Variants in NAALADL2 observed in about 807,000 individuals in gnomAD.
NAALADL2 encodes inactive N-acetylated-alpha-linked acidic dipeptidase-like protein 2.
In NAALADL2, 76 loss-of-function variants were observed where a neutral mutation model predicts 87.2. The ratio of observed to expected loss-of-function variants is 0.87; its 90% CI spans 0.72 to 1.05. The LOEUF (loss-of-function observed/expected upper bound fraction) is 1.05, where lower values mean the gene tolerates loss of function less well. Among genes scored for constraint, NAALADL2 ranks in the 50% least tolerant of loss-of-function variants. NAALADL2 has a pLI of 0.00. For missense variants in NAALADL2, 1,089 were observed against 945.8 expected, an observed-to-expected ratio of 1.15 and a Z score of -1.99; for synonymous variants, 354 against 331.0, an observed-to-expected ratio of 1.07 and a Z score of -0.75.
At chr3:175,766,739 T>C (rs1288092748) in intron 13 of NAALADL2, among the ~76,000 whole-genome samples, 2 of 152,324 alleles carry the variant, frequency 1.3e-5, no homozygotes, top group Middle Eastern at 3.4e-3. Flanking sequence ...ATTTTCTTTG[T>C]ACTGAAGCAC....
At chr3:175,328,814 C>A (rs1214327707) in intron 5 of NAALADL2, among the ~76,000 whole-genome samples, 1 of 151,518 alleles carries the variant, frequency 6.6e-6, no homozygotes, top group East Asian at 1.9e-4. Flanking sequence ...GGGTAAGACC[C>A]AAAACAAACA....
At chr3:174,541,211 G>A (rs994808653) in intron 1 of NAALADL2, among the ~76,000 whole-genome samples, 3 of 152,098 alleles carry the variant, frequency 2.0e-5, no homozygotes, top group Admixed American at 2.0e-4. Context: ...TACCTATTAT[G>A]CCACACTTCA....
chr3:175,255,893 A>G (rs1415695776), intron 3 of NAALADL2, among the ~76,000 whole-genome samples: 5 of 152,120 alleles, frequency 3.3e-5, no homozygotes, highest in Non-Finnish European at 5.9e-5. Context: ...TGCACGACTC[A>G]AGGATTTGTC....
chr3:175,305,278 A>T (rs200177304), intron 4 of NAALADL2, among the ~76,000 whole-genome samples: 2 of 137,472 alleles, frequency 1.5e-5, no homozygotes, highest in Non-Finnish European at 3.2e-5. Context: ...GTGTATGTGT[A>T]TGTGTGTGTA....
chr3:175,595,036 T>C (rs1002219438), intron 10 of NAALADL2, among the ~76,000 whole-genome samples: 3 of 152,064 alleles, frequency 2.0e-5, no homozygotes, highest in Admixed American at 6.6e-5. Flanking sequence ...TGTTTTCTTG[T>C]AATTACTTTG....
intron 2 of NAALADL2, among the ~76,000 whole-genome samples, chr3:175,212,551 A>AT (rs80347805): frequency 9.7e-4 from 146 of 150,924 alleles, no homozygotes; most frequent in African/African-American, 3.3e-3. Flanking sequence ...AATTTTCTTC[A>AT]TTTTTTTTTC....
chr3:175,755,787 C>A (rs1747193250), intron 13 of NAALADL2, among the ~76,000 whole-genome samples: 1 of 150,506 alleles, frequency 6.6e-6, no homozygotes. Flanking sequence ...AAGATCCCAT[C>A]TAGATTAATA....
intron 3 of NAALADL2, among the ~76,000 whole-genome samples, chr3:174,831,840 A>T (rs1419753351): frequency 6.7e-6 from 1 of 149,856 alleles, no homozygotes; most frequent in African/African-American, 2.4e-5. Context: ...GTCTTGGGAG[A>T]GTGTATGTGT....
intron 3 of NAALADL2, among the ~76,000 whole-genome samples, chr3:174,777,956 A>T (rs1168978887): frequency 6.6e-6 from 1 of 152,154 alleles, no homozygotes; most frequent in Non-Finnish European, 1.5e-5. Flanking sequence ...CACATAGAGT[A>T]CAGTATTAGG....
At chr3:174,445,305 A>T (rs1310893289) in intron 1 of NAALADL2, among the ~76,000 whole-genome samples, 1 of 152,130 alleles carries the variant, frequency 6.6e-6, no homozygotes, top group Non-Finnish European at 1.5e-5. Context: ...AGAATAGTAT[A>T]ATGAACCCCA....
At chr3:175,616,807 A>T (rs1246852686) in intron 10 of NAALADL2, among the ~76,000 whole-genome samples, 2 of 152,110 alleles carry the variant, frequency 1.3e-5, no homozygotes, top group African/African-American at 2.4e-5. Flanking sequence ...GAGGCCCTGC[A>T]TCCTCAAGTT....
chr3:175,634,454 T>G (rs1417063747), intron 11 of NAALADL2, among the ~76,000 whole-genome samples: 2 of 151,980 alleles, frequency 1.3e-5, no homozygotes, highest in African/African-American at 4.8e-5. Flanking sequence ...CAGACTAAAC[T>G]GTAGAATAAA....
chr3:175,395,718 C>A (rs527271588), intron 5 of NAALADL2, among the ~76,000 whole-genome samples: 2 of 152,296 alleles, frequency 1.3e-5, no homozygotes, highest in African/African-American at 4.8e-5. Context: ...TCTGTATAAT[C>A]TTTGCATACT....
At chr3:174,822,071 A>G (rs957021503) in intron 3 of NAALADL2, among the ~76,000 whole-genome samples, 8 of 152,178 alleles carry the variant, frequency 5.3e-5, no homozygotes, top group Non-Finnish European at 2.9e-5. Flanking sequence ...GCATAGGGAT[A>G]TCAAAGTCAA....
chr3:175,133,592 C>T (rs976510238), intron 2 of NAALADL2, among the ~76,000 whole-genome samples: 20 of 152,296 alleles, frequency 1.3e-4, no homozygotes, highest in East Asian at 5.8e-4. Context: ...CGTGGCGGCG[C>T]GCGCCTGCAA....
intron 1 of NAALADL2, among the ~76,000 whole-genome samples, chr3:174,471,702 T>A (rs1302135823): frequency 6.6e-6 from 1 of 152,084 alleles, no homozygotes; most frequent in Non-Finnish European, 1.5e-5. Flanking sequence ...GGCAGGTTGC[T>A]TTAACTTTGT....
chr3:175,660,217 G>T (rs569264327), intron 11 of NAALADL2, among the ~76,000 whole-genome samples: 2 of 152,188 alleles, frequency 1.3e-5, no homozygotes, highest in South Asian at 2.1e-4. Context: ...TCAGAGATTA[G>T]GTTTCAACAT....
intron 3 of NAALADL2, among the ~76,000 whole-genome samples, chr3:174,831,290 C>T (rs1295100099): frequency 6.7e-6 from 1 of 149,248 alleles, no homozygotes; most frequent in East Asian, 1.9e-4. Flanking sequence ...CCATCAATAC[C>T]TAATTTATTG....
chr3:175,594,899 G>A (rs765155861), intron 10 of NAALADL2, among the ~76,000 whole-genome samples: 4 of 151,870 alleles, frequency 2.6e-5, no homozygotes, highest in African/African-American at 4.8e-5. Flanking sequence ...CTAGATATTA[G>A]ACTTTTGTTG....
Sources: allele counts gnomAD v4.1 joint callset (sites outside exome capture counted in the v4.1 genomes callset), GRCh38; gene constraint gnomAD v4.1.1; transcripts MANE v1.5; gene names NCBI Gene and HGNC (gene_info 2026-07-23, HGNC 2026-07-21).